TNRC6B: variants seen among roughly 807,000 people sequenced by gnomAD.
The protein encoded by TNRC6B is trinucleotide repeat-containing gene 6B protein.
TNRC6B carries 52 observed loss-of-function variants against 203.6 expected under a neutral mutation model. The ratio of observed to expected loss-of-function variants is 0.26; its 90% CI spans 0.20 to 0.32. TNRC6B has a LOEUF of 0.32. Among genes scored for constraint, TNRC6B ranks in the 10% least tolerant of loss-of-function variants. The pLI is 1.00. For missense variants in TNRC6B, 1,923 were observed against 2,286.2 expected, an observed-to-expected ratio of 0.84 and a Z score of 3.24; for synonymous variants, 838 against 845.7, an observed-to-expected ratio of 0.99 and a Z score of 0.16.
chr22:40,301,056 C>T (rs367757694), intron 14 of TNRC6B, 51 bp downstream of exon 14: 161 of 1,584,402 alleles, frequency 1.0e-4, no homozygotes, highest in Non-Finnish European at 1.2e-4. Flanking sequence ...GAGTACATCC[C>T]GGCTTAGCCT....
intron 1 of TNRC6B, among the ~76,000 whole-genome samples, chr22:40,235,107 G>T (rs934439412): frequency 2.0e-5 from 3 of 152,120 alleles, no homozygotes; most frequent in African/African-American, 7.2e-5. Flanking sequence ...GTTATAATTG[G>T]CAATGGTTTT....
chr22:40,298,209 C>A (rs1192520545), intron 12 of TNRC6B, among the ~76,000 whole-genome samples: 2 of 151,584 alleles, frequency 1.3e-5, no homozygotes, highest in Admixed American at 6.6e-5. Context: ...CATGAGGGAA[C>A]AAAAGCATGT....
chr22:40,160,251 C>T (rs1033669225), intron 4 of TNRC6B, among the ~76,000 whole-genome samples: 7 of 151,972 alleles, frequency 4.6e-5, no homozygotes, highest in African/African-American at 1.2e-4. Flanking sequence ...CTGAGGCAGG[C>T]GGATCACCTG....
chr22:40,298,065 C>T (rs752376702), intron 12 of TNRC6B, among the ~76,000 whole-genome samples: 11 of 151,884 alleles, frequency 7.2e-5, no homozygotes, highest in Non-Finnish European at 1.3e-4. Context: ...GTGGAGCTTG[C>T]AGTGAGCCGA....
chr22:40,120,583 T>A (rs2146320299), intron 2 of TNRC6B, among the ~76,000 whole-genome samples: 1 of 152,216 alleles, frequency 6.6e-6, no homozygotes, highest in Admixed American at 6.5e-5. Flanking sequence ...GGTAATGGAA[T>A]AATTTGGAAG....
Position 40,075,937 on chromosome 22 carries a change from GT to G in TNRC6B, c.-121+30941del, listed in dbSNP as rs367622313. On this transcript the variant is annotated intron_variant, in intron 1 of 23. Coordinates refer to the TNRC6B transcript ENST00000301923. ...ATTGTCATACATTTTACTTCGACAT[GT>G]TAAATGTCCCACAATTCATTGTTAC... Among the ~76,000 whole-genome samples the G allele has an allele frequency of 7.3e-3, 1,113 of 152,274 alleles. 7 individuals carry two copies. The highest frequency in any genetic ancestry group is 0.011 in the Non-Finnish European group (763 of 68,022).
At chr22:40,319,462 C>T (rs369402612) in intron 21 of TNRC6B, among the ~76,000 whole-genome samples, 5 of 132,708 alleles carry the variant, frequency 3.8e-5, no homozygotes, top group South Asian at 2.3e-4. Flanking sequence ...CTTGTTCTGT[C>T]GCTCAGACTG....
At chr22:40,288,997 A>G (rs891928246) in intron 12 of TNRC6B, among the ~76,000 whole-genome samples, 1 of 151,908 alleles carries the variant, frequency 6.6e-6, no homozygotes, top group South Asian at 2.1e-4. Context: ...TATTTTTAGT[A>G]GAGATGGGGT....
intron 1 of TNRC6B, among the ~76,000 whole-genome samples, chr22:40,187,136 C>T (rs768865048): frequency 5.9e-5 from 9 of 152,164 alleles, no homozygotes; most frequent in Non-Finnish European, 1.0e-4. Context: ...ATTGCAAGTG[C>T]ACAGTAGCCA....
In TNRC6B at chr22:40,323,757, TCA is replaced by T. The variant is rs2146583903; in HGVS notation, c.*518_*519del. On this transcript the variant is annotated 3_prime_UTR_variant, in exon 23 of 23. Transcript: ENST00000454349. ...GGGGGAGGGAAGACTTGACGGAGCC[TCA>T]CTTTAAAAACAAAAACACAAAAAAC... The T allele has an allele frequency of 6.7e-6, 1 of 149,742 alleles. No individual in the cohort carries two copies. The highest frequency in any genetic ancestry group is 2.1e-4 in the South Asian group (1 of 4,706). The allele number at this position is 149,742 out of a possible 1,614,324, so 9.3% of individuals were successfully genotyped here. A position where few individuals can be genotyped will look rare whatever the true frequency, so the allele number is the denominator to read the frequency against.
At chr22:40,315,764 A>G (rs1471563714) in intron 20 of TNRC6B, among the ~76,000 whole-genome samples, 178 bp from the exon 21 acceptor site, 1 of 152,238 alleles carries the variant, frequency 6.6e-6, no homozygotes, top group East Asian at 1.9e-4. Context: ...CAAATCAGGC[A>G]TAAAAGTGCA....
chr22:40,279,256 TGAAAA>T (rs1379385628), intron 9 of TNRC6B, among the ~76,000 whole-genome samples: 1 of 152,188 alleles, frequency 6.6e-6, no homozygotes, highest in East Asian at 1.9e-4. Context: ...CTGAGGAACT[TGAAAA>T]GAATCAAACT....
chr22:40,221,073 C>G (rs1377199452), intron 1 of TNRC6B, among the ~76,000 whole-genome samples: 1 of 152,148 alleles, frequency 6.6e-6, no homozygotes. Context: ...CTGGGATGTT[C>G]CCTGCCCCTC....
intron 1 of TNRC6B, among the ~76,000 whole-genome samples, chr22:40,241,198 CCT>C (rs1325647929): frequency 6.6e-6 from 1 of 152,122 alleles, no homozygotes. Context: ...CTCTTTTTCC[CCT>C]GAGTCATTTG....
At chr22:40,151,808 AAATC>A (rs1351420127) in intron 3 of TNRC6B, among the ~76,000 whole-genome samples, 1 of 151,886 alleles carries the variant, frequency 6.6e-6, no homozygotes, top group Non-Finnish European at 1.5e-5. Flanking sequence ...AGAAAGAAGA[AAATC>A]AATCTCAGAG....
At position 40,270,164 on chromosome 22, in the gene TNRC6B, C is replaced by G; in HGVS notation, c.2849C>G (p.Ser950Cys). 2 of 1,585,252 alleles carry G rather than the reference C, an allele frequency of 1.3e-6. No individual in the cohort carries two copies. The highest frequency in any genetic ancestry group is 2.3e-5 in the East Asian group (1 of 43,846). Residue 950 changes from serine to cysteine, a missense_variant, in exon 6 of 23, where the codon TCC (serine) becomes TGC (cysteine). This residue lies in a region of TNRC6B where 599 missense variants were observed against 656.5 expected (regional missense o/e 0.91). Transcript: ENST00000454349. ...CCACCTGCTCCAGATAATGGTACTT[C>G]CGCTTGGGGTGAGCCAAATGAAAGC... ...STPPAPDNGTSAWGEPNESSP... is the reference protein window; with the variant it reads ...STPPAPDNGTCAWGEPNESSP...
intron 1 of TNRC6B, among the ~76,000 whole-genome samples, chr22:40,205,227 G>T (rs2069464057): frequency 6.6e-6 from 1 of 152,156 alleles, no homozygotes; most frequent in Admixed American, 6.5e-5. Flanking sequence ...GCACTTAGTA[G>T]AAGTTTAATA....
chr22:40,129,137 A>G (rs1167526061), intron 3 of TNRC6B, among the ~76,000 whole-genome samples: 1 of 152,172 alleles, frequency 6.6e-6, no homozygotes, highest in Non-Finnish European at 1.5e-5. Context: ...AACAGCTGCA[A>G]AAGCCCTTGG....
intron 3 of TNRC6B, among the ~76,000 whole-genome samples, chr22:40,132,969 A>AAAAAAAAAAAAATATATATATAT: frequency 1.3e-5 from 1 of 78,174 alleles, no homozygotes; most frequent in Non-Finnish European, 2.6e-5. Context: ...AAAAAAAAAA[A>AAAAAAAAAAAAATATATATATAT]ATATATATAT....
Sources: allele counts gnomAD v4.1 joint callset (sites outside exome capture counted in the v4.1 genomes callset), GRCh38; gene constraint gnomAD v4.1.1; regional missense constraint gnomAD v4.1.1; transcripts MANE v1.5; gene names NCBI Gene and HGNC (gene_info 2026-07-23, HGNC 2026-07-21).